MLLT10: variants seen among roughly 807,000 people sequenced by gnomAD.
The protein encoded by MLLT10 is MLLT10 histone lysine methyltransferase DOT1L cofactor, also known as protein AF-10.
In MLLT10, 30 loss-of-function variants were observed where a neutral mutation model predicts 129.1. That is an observed-to-expected ratio of 0.23 (90% CI 0.17 to 0.32). The LOEUF (loss-of-function observed/expected upper bound fraction) is 0.32, where lower values mean the gene tolerates loss of function less well. MLLT10 is among the 10% of genes least tolerant of loss of function. The pLI is 1.00. For synonymous variants in MLLT10, 490 were observed against 446.4 expected (o/e 1.10, Z -1.23); for missense variants, 1,119 against 1,268.3 (o/e 0.88, Z 1.79).
chr10:21,596,110 C>T (rs2042994568), intron 5 of MLLT10, among the ~76,000 whole-genome samples: 2 of 151,926 alleles, frequency 1.3e-5, no homozygotes, highest in South Asian at 4.2e-4. Context: ...GTGTAAAAAA[C>T]CTTTTTATTT....
At chr10:21,628,599 G>A (rs943593234) in intron 8 of MLLT10, among the ~76,000 whole-genome samples, 1 of 151,662 alleles carries the variant, frequency 6.6e-6, no homozygotes, top group African/African-American at 2.4e-5. Flanking sequence ...TTGCCACGAC[G>A]CCCAGCTAAT....
intron 13 of MLLT10, among the ~76,000 whole-genome samples, chr10:21,704,107 T>A (rs2055225507): frequency 7.0e-6 from 1 of 142,052 alleles, no homozygotes; most frequent in Non-Finnish European, 1.5e-5. Flanking sequence ...CCCCCTAGGT[T>A]CAAGTGATTC....
intron 13 of MLLT10, among the ~76,000 whole-genome samples, chr10:21,687,361 T>A (rs1029130650): frequency 3.3e-5 from 5 of 152,154 alleles, no homozygotes; most frequent in Non-Finnish European, 5.9e-5. Flanking sequence ...TTCCATGAAG[T>A]GGGATGAGTA....
At chr10:21,597,670 G>A (rs2043146645) in intron 5 of MLLT10, among the ~76,000 whole-genome samples, 1 of 152,072 alleles carries the variant, frequency 6.6e-6, no homozygotes, top group Non-Finnish European at 1.5e-5. Flanking sequence ...CCCCACCCGG[G>A]TCTCTTTGGT....
chr10:21,667,190 C>T (rs2050892992), intron 9 of MLLT10, among the ~76,000 whole-genome samples: 1 of 151,928 alleles, frequency 6.6e-6, no homozygotes, highest in African/African-American at 2.4e-5. Flanking sequence ...CATTCTTAAT[C>T]TTTGTTTTTG....
At chr10:21,534,901 C>G (rs952937927) in intron 2 of MLLT10, 97 bp downstream of exon 2, 1 of 894,430 alleles carries the variant, frequency 1.1e-6, no homozygotes, top group African/African-American at 1.8e-5. Context: ...CCGCCCCGTG[C>G]CGCGGCCGCG....
At chr10:21,692,440 G>A (rs2053958674) in intron 13 of MLLT10, among the ~76,000 whole-genome samples, 1 of 151,926 alleles carries the variant, frequency 6.6e-6, no homozygotes, top group South Asian at 2.1e-4. Context: ...AAATTGCTGG[G>A]ATTACAGGCA....
chr10:21,674,149 TAATTA>T (rs1295994960), intron 11 of MLLT10, among the ~76,000 whole-genome samples: 3 of 152,228 alleles, frequency 2.0e-5, no homozygotes, highest in African/African-American at 7.2e-5. Flanking sequence ...TGATTTTACT[TAATTA>T]AATGTAGGCT....
chr10:21,720,880 C>G (rs2057080665), intron 14 of MLLT10, among the ~76,000 whole-genome samples: 1 of 152,130 alleles, frequency 6.6e-6, no homozygotes, highest in Admixed American at 6.5e-5. Context: ...TATATTAACT[C>G]AATTCTCACA....
At chr10:21,692,680 C>A (rs189283845) in intron 13 of MLLT10, among the ~76,000 whole-genome samples, 1 of 150,662 alleles carries the variant, frequency 6.6e-6, no homozygotes, top group East Asian at 2.0e-4. Context: ...GAGATGAGAT[C>A]TTACTAATGT....
At chr10:21,610,167 A>T (rs113579050) in intron 5 of MLLT10, among the ~76,000 whole-genome samples, 1 of 152,154 alleles carries the variant, frequency 6.6e-6, no homozygotes, top group Non-Finnish European at 1.5e-5. Flanking sequence ...TTTGTTTCTC[A>T]TAATTAATAT....
chr10:21,740,509 A>G (rs1435744681), intron 22 of MLLT10, among the ~76,000 whole-genome samples: 1 of 152,250 alleles, frequency 6.6e-6, no homozygotes, highest in Non-Finnish European at 1.5e-5. Context: ...CAATCAAATC[A>G]AAAGACAATA....
At chr10:21,704,743 A>G (rs1055085975) in intron 13 of MLLT10, among the ~76,000 whole-genome samples, 2 of 151,652 alleles carry the variant, frequency 1.3e-5, no homozygotes, top group Non-Finnish European at 2.9e-5. Context: ...AGATATATCT[A>G]TGGTGTTGCT....
intron 8 of MLLT10, among the ~76,000 whole-genome samples, chr10:21,650,031 T>A (rs182514129): frequency 2.3e-4 from 35 of 152,068 alleles, no homozygotes; most frequent in Non-Finnish European, 4.9e-4. Flanking sequence ...CCGAGAACAC[T>A]CTGGGCAACA....
intron 14 of MLLT10, among the ~76,000 whole-genome samples, chr10:21,718,605 A>G (rs1168082533): frequency 1.3e-5 from 2 of 152,208 alleles, no homozygotes; most frequent in African/African-American, 2.4e-5. Context: ...CTTCTTGTCT[A>G]TCCCATGTTA....
intron 21 of MLLT10, among the ~76,000 whole-genome samples, chr10:21,736,385 A>G (rs1305639834): frequency 2.0e-5 from 3 of 152,204 alleles, no homozygotes; most frequent in Non-Finnish European, 4.4e-5. Flanking sequence ...CCTGGGCTCA[A>G]GTGATCCTCC....
intron 5 of MLLT10, among the ~76,000 whole-genome samples, chr10:21,597,348 T>G (rs1289345922): frequency 6.6e-6 from 1 of 152,212 alleles, no homozygotes; most frequent in Non-Finnish European, 1.5e-5. Flanking sequence ...AAACTGCATT[T>G]TGACTCTTTG....
intron 9 of MLLT10, among the ~76,000 whole-genome samples, chr10:21,652,306 A>C (rs950055556): frequency 6.6e-6 from 1 of 152,196 alleles, no homozygotes; most frequent in Admixed American, 6.5e-5. Flanking sequence ...GGGAACCATC[A>C]TTGAGACAGA....
Position 21,534,806 on chromosome 10 carries a change from TA to T in MLLT10, c.160+5del. 2.5e-6 allele frequency: 4 copies of T among 1,596,242 alleles called. No individual in the cohort carries two copies. The highest frequency in any genetic ancestry group is 1.7e-6 in the Non-Finnish European group (2 of 1,171,368). On this transcript the variant is annotated splice_donor_region_variant and intron_variant, in intron 2 of 22. Coordinates refer to ENST00000307729, the MANE Select transcript of MLLT10 (RefSeq NM_001195626.3). ...GCTGCAGCGTCGCGGTGCATCAAGG[TA>T]AACACCCAACCGCCCGCCGGGGCGC...
Sources: allele counts gnomAD v4.1 joint callset (sites outside exome capture counted in the v4.1 genomes callset), GRCh38; gene constraint gnomAD v4.1.1; transcripts MANE v1.5; gene names NCBI Gene and HGNC (gene_info 2026-07-23, HGNC 2026-07-21).